Variants in TRIM2 observed in about 807,000 individuals in gnomAD.
The protein encoded by TRIM2 is tripartite motif-containing protein 2.
Under a neutral mutation model 75.2 loss-of-function variants are expected in TRIM2, and 20 were observed. The observed-to-expected ratio is 0.27, with a 90% CI of 0.19 to 0.39. The LOEUF is 0.39. TRIM2 is among the 10% of genes least tolerant of loss of function. The pLI, the probability that TRIM2 is intolerant of heterozygous loss-of-function variation, is 1.00. For synonymous variants in TRIM2, 373 were observed against 388.3 expected, an observed-to-expected ratio of 0.96 and a Z score of 0.46; for missense variants, 660 against 990.8, an observed-to-expected ratio of 0.67 and a Z score of 4.48.
At chr4:153,272,222 C>T (rs1179347020) in intron 2 of TRIM2, among the ~76,000 whole-genome samples, 1 of 152,000 alleles carries the variant, frequency 6.6e-6, no homozygotes, top group Non-Finnish European at 1.5e-5. Flanking sequence ...AAACTCAGCT[C>T]ACTGCAAGCT....
At chr4:153,285,038 C>T (rs1760278983) in intron 3 of TRIM2, among the ~76,000 whole-genome samples, 1 of 152,140 alleles carries the variant, frequency 6.6e-6, no homozygotes, top group South Asian at 2.1e-4. Flanking sequence ...TGAAAATTCA[C>T]CCCTGTTTCC....
At chr4:153,320,587 A>G (rs1768711149) in intron 8 of TRIM2, among the ~76,000 whole-genome samples, 1 of 152,084 alleles carries the variant, frequency 6.6e-6, no homozygotes, top group Admixed American at 6.5e-5. Context: ...GACTACACTC[A>G]TTGTTCCTTA....
intron 6 of TRIM2, among the ~76,000 whole-genome samples, chr4:153,297,013 C>G (rs190423659): frequency 1.3e-5 from 2 of 152,250 alleles, no homozygotes; most frequent in African/African-American, 4.8e-5. Flanking sequence ...TTCTTAAAAC[C>G]TTTAGAATCT....
intron 1 of TRIM2, chr4:153,222,428 TG>T (rs1395147245): frequency 6.6e-6 from 1 of 152,280 alleles, no homozygotes; most frequent in African/African-American, 2.4e-5. Context: ...CCTGCCCCGC[TG>T]TGCTGCGATT....
intron 2 of TRIM2, 80 bp downstream of exon 2, chr4:153,270,599 T>C (rs1403260621): frequency 1.6e-6 from 2 of 1,279,758 alleles, no homozygotes; most frequent in African/African-American, 3.0e-5. Context: ...TTCCCAGAAT[T>C]CTACAGTTAC....
intron 1 of TRIM2, among the ~76,000 whole-genome samples, chr4:153,226,444 C>A (rs1479924308): frequency 6.6e-6 from 1 of 152,192 alleles, no homozygotes; most frequent in Non-Finnish European, 1.5e-5. Flanking sequence ...AACGAACTAA[C>A]CTAAGACATG....
intron 6 of TRIM2, among the ~76,000 whole-genome samples, chr4:153,299,833 C>T (rs115307138): frequency 1.1e-3 from 162 of 152,272 alleles, no homozygotes; most frequent in African/African-American, 3.6e-3. Context: ...CTGGCTCATA[C>T]CTGTACTCTC....
chr4:153,329,826 G>A (rs1390119684), intron 11 of TRIM2, among the ~76,000 whole-genome samples: 1 of 150,266 alleles, frequency 6.7e-6, no homozygotes, highest in Admixed American at 6.7e-5. Context: ...AACAGAAGGA[G>A]ACTCTGTCTC....
In TRIM2 at chr4:153,235,447, C is replaced by CCTG. The variant is rs1284020337; in HGVS notation, c.30+30889_30+30890insGCT. On this transcript the variant is annotated intron_variant, in intron 1 of 11. Coordinates refer to ENST00000338700, the MANE Select transcript of TRIM2 (RefSeq NM_015271.5). ...CTACAGGCAGGCACAACCATGCCTG[C>CCTG]CTAATTTTTTGTATTTTTCATAGAG... 2.0e-5 allele frequency among the ~76,000 whole-genome samples: 3 copies of CCTG among 151,534 alleles called. No individual in the cohort carries two copies. In the East Asian group the frequency reaches 5.8e-4, roughly 29 times the overall value.
At chr4:153,285,176 T>A (rs188946669) in intron 3 of TRIM2, among the ~76,000 whole-genome samples, 1 of 152,340 alleles carries the variant, frequency 6.6e-6, no homozygotes, top group African/African-American at 2.4e-5. Context: ...TACCTCAGCA[T>A]AATATGTTGA....
intron 1 of TRIM2, among the ~76,000 whole-genome samples, chr4:153,156,199 G>A (rs777644282): frequency 3.3e-5 from 5 of 152,152 alleles, no homozygotes; most frequent in African/African-American, 4.8e-5. Context: ...GGTGTGAATG[G>A]GAGCTCTCCC....
In TRIM2 at chr4:153,276,958, T is replaced by C. The variant is rs180804881; in HGVS notation, c.453+828T>C. Among the ~76,000 whole-genome samples, 723 of 152,366 alleles carry C rather than the reference T, an allele frequency of 4.7e-3. 21 individuals are homozygous for C. The highest frequency in any genetic ancestry group is 1.5e-3 in the Non-Finnish European group (99 of 68,036). On this transcript the variant is annotated intron_variant, in intron 3 of 11. Transcript: ENST00000338700. ...GATAAATGTCAGCTTTAACATTTTT[T>C]CATTAATTACTTTATATTCATCTCA...
At chr4:153,315,295 CTG>C (rs781210980) in intron 6 of TRIM2, among the ~76,000 whole-genome samples, 188 bp from the exon 7 acceptor site, 3 of 152,168 alleles carry the variant, frequency 2.0e-5, no homozygotes, top group African/African-American at 7.2e-5. Context: ...TTTGCAGAGA[CTG>C]TTGTCAGGAA....
At chr4:153,331,196 G>A (rs1771402596) in intron 11 of TRIM2, among the ~76,000 whole-genome samples, 1 of 152,122 alleles carries the variant, frequency 6.6e-6, no homozygotes, top group African/African-American at 2.4e-5. Context: ...GGTGGCACAT[G>A]TCTATAGGCT....
At chr4:153,320,482 C>T (rs1467730172) in intron 8 of TRIM2, among the ~76,000 whole-genome samples, 2 of 152,108 alleles carry the variant, frequency 1.3e-5, no homozygotes, top group African/African-American at 4.8e-5. Flanking sequence ...GAGAATATAA[C>T]TTTTTGGGTT....
intron 1 of TRIM2, among the ~76,000 whole-genome samples, chr4:153,161,996 C>G (rs191451634): frequency 6.6e-6 from 1 of 152,350 alleles, no homozygotes; most frequent in Non-Finnish European, 1.5e-5. Flanking sequence ...TGTGTACATT[C>G]TCTCTGCGTG....
intron 1 of TRIM2, among the ~76,000 whole-genome samples, chr4:153,269,738 G>A (rs1052544372): frequency 1.3e-5 from 2 of 152,068 alleles, no homozygotes; most frequent in Non-Finnish European, 1.5e-5. Context: ...GAAGCCCAGC[G>A]AGCATACCTC....
At chr4:153,163,967 A>G (rs1730028041) in intron 1 of TRIM2, among the ~76,000 whole-genome samples, 1 of 152,138 alleles carries the variant, frequency 6.6e-6, no homozygotes, top group Non-Finnish European at 1.5e-5. Context: ...TGATATTAGC[A>G]TTTTGCTCAC....
chr4:153,298,095 C>G (rs1414816119), intron 6 of TRIM2, among the ~76,000 whole-genome samples: 1 of 152,168 alleles, frequency 6.6e-6, no homozygotes, highest in Non-Finnish European at 1.5e-5. Context: ...TATATCTTCT[C>G]CCCTCGTACC....
Sources: allele counts gnomAD v4.1 joint callset (sites outside exome capture counted in the v4.1 genomes callset), GRCh38; gene constraint gnomAD v4.1.1; transcripts MANE v1.5; gene names NCBI Gene and HGNC (gene_info 2026-07-23, HGNC 2026-07-21).